The following POLN variants were observed in gnomAD, a reference collection of about 807,000 sequenced individuals.
POLN encodes the protein DNA polymerase N.
A neutral mutation model predicts 113.5 loss-of-function variants in POLN; 108 were observed. The observed-to-expected ratio is 0.95, with a 90% CI of 0.81 to 1.12. POLN has a LOEUF of 1.12. POLN is among the 50% of genes most tolerant of loss of function. The pLI, the probability that POLN is intolerant of heterozygous loss-of-function variation, is 0.00. For missense variants in POLN, 1,097 were observed against 1,077.1 expected (o/e 1.02, Z -0.26); for synonymous variants, 386 against 391.5 (o/e 0.99, Z 0.17).
intron 16 of POLN, among the ~76,000 whole-genome samples, chr4:2,141,356 TCTC>T (rs1207890071): frequency 2.0e-5 from 3 of 152,128 alleles, no homozygotes; most frequent in African/African-American, 4.8e-5. Flanking sequence ...TCTCTGTCCT[TCTC>T]CTTCCACTCA....
intron 19 of POLN, among the ~76,000 whole-genome samples, chr4:2,097,875 A>G (rs1730834431): frequency 6.6e-6 from 1 of 152,158 alleles, no homozygotes; most frequent in African/African-American, 2.4e-5. Flanking sequence ...CAAAGTTTTG[A>G]TGAAGTTGGT....
Position 2,126,390 on chromosome 4 carries a change from T to C in POLN, c.1982+1723A>G, listed in dbSNP as rs1731579715. On this transcript the variant is annotated intron_variant, in intron 19 of 25. Coordinates refer to ENST00000511885, the MANE Select transcript of POLN (RefSeq NM_181808.4). This position sits in a 1 kb window ranked among gnomAD's most constrained non-coding sequence, Gnocchi z 4.6. ...AGATTTTCTGATTCAAACGCAAGTT[T>C]GCGTTCTATACTATTCATTCATTTA... is the stretch of plus-strand genomic sequence containing the variant. Among the ~76,000 whole-genome samples the C allele has an allele frequency of 6.6e-6, 1 of 152,238 alleles. No individual in the cohort carries two copies. The highest frequency in any genetic ancestry group is 2.4e-5 in the African/African-American group (1 of 41,464).
chr4:2,205,874 CAA>C (rs59182481), intron 5 of POLN, among the ~76,000 whole-genome samples: 123 of 81,996 alleles, frequency 1.5e-3, no homozygotes, highest in African/African-American at 1.7e-3. Context: ...GACTCTGTCT[CAA>C]AAAAAAAAAA....
At position 2,100,274 on chromosome 4, in the gene POLN, C is replaced by A. The variant is rs377630514; in HGVS notation, c.1983-4341G>T. ...AACTGGTATTTAAATTTTTTGTAAC[C>A]AATGAAAATTATAAAGAAAAAATTA... On this transcript the variant is annotated intron_variant, in intron 19 of 25. Coordinates refer to ENST00000511885, the MANE Select transcript of POLN (RefSeq NM_181808.4). Among the ~76,000 whole-genome samples the A allele has an allele frequency of 4.6e-5, 7 of 151,712 alleles. No homozygotes were observed. The East Asian group carries it at 5.8e-4, about 13-fold the overall frequency.
intron 6 of POLN, among the ~76,000 whole-genome samples, chr4:2,194,188 T>C (rs1478573759): frequency 6.6e-6 from 1 of 152,192 alleles, no homozygotes; most frequent in African/African-American, 2.4e-5. Flanking sequence ...GACTAACAAA[T>C]GGCAATGCTG....
rs371718217 is a variant in POLN, at chr4:2,127,605, A to G, written c.1982+508T>C. On this transcript the variant is annotated intron_variant, in intron 19 of 25. Transcript: ENST00000511885. The surrounding 1 kb of genome is among the most constrained non-coding windows in gnomAD (Gnocchi z 4.7). ...GCCAACGTCCTGAGAATATGATGAA[A>G]AAGGACGGGCCTGGGACGACACTGC... Among the ~76,000 whole-genome samples the G allele has an allele frequency of 1.4e-4, 22 of 152,290 alleles. No homozygotes were observed. Among genetic ancestry groups the G allele is most frequent in the East Asian group, 5.8e-4 (3 of 5,162 alleles).
rs1734997043 is a variant in POLN, at chr4:2,241,726, AC to A, written c.-220del. On this transcript the variant is annotated 5_prime_UTR_variant, in exon 2 of 26. Coordinates refer to ENST00000511885, the MANE Select transcript of POLN (RefSeq NM_181808.4). ...GGATCCGCGGCCCCAAGGCCGCGAT[AC>A]ACCAGACGCGCCAGCGGCAAAACCT... The A allele has an allele frequency of 1.0e-6, 1 of 985,388 alleles. No homozygotes were observed. Among genetic ancestry groups the A allele is most frequent in the Admixed American group, 6.1e-5 (1 of 16,274 alleles). The allele number at this position is 985,388 out of a possible 1,614,324, so 61.0% of individuals were successfully genotyped here.
intron 24 of POLN, among the ~76,000 whole-genome samples, chr4:2,074,680 C>T (rs960636468): frequency 5.9e-5 from 9 of 152,100 alleles, no homozygotes; most frequent in African/African-American, 1.9e-4. Flanking sequence ...GACCACCACT[C>T]GAGAGTTGGT....
At position 2,132,767 on chromosome 4, in the gene POLN, AC is replaced by A. The variant is rs1166449286; in HGVS notation, c.1732-1478del. 2.6e-5 allele frequency among the ~76,000 whole-genome samples: 4 copies of A among 152,358 alleles called. No homozygotes were observed. The East Asian group carries it at 7.7e-4, about 29-fold the overall frequency. ...CTCCAGGAATGAAGGTGAGTGAAAG[AC>A]ATTCTCAGATGAATAAAAATTAAAG... On this transcript the variant is annotated intron_variant, in intron 16 of 25. Coordinates refer to ENST00000511885, the MANE Select transcript of POLN (RefSeq NM_181808.4).
At chr4:2,200,626 A>G (rs376353532) in intron 5 of POLN, among the ~76,000 whole-genome samples, 21 of 152,284 alleles carry the variant, frequency 1.4e-4, no homozygotes, top group African/African-American at 3.4e-4. Context: ...CAATCATTAC[A>G]GCTCAGCTCT....
intron 7 of POLN, among the ~76,000 whole-genome samples, chr4:2,184,250 T>TAA (rs59002499): frequency 2.3e-4 from 32 of 140,914 alleles, no homozygotes; most frequent in African/African-American, 4.5e-4. Context: ...CACTAGACTT[T>TAA]AAAAAAAAAA....
At chr4:2,241,219 T>C (rs1371494165) in intron 2 of POLN, 3 of 341,678 alleles carry the variant, frequency 8.8e-6, no homozygotes, top group Non-Finnish European at 1.6e-5. Flanking sequence ...AGCTGCAATG[T>C]TTGATGATGA....
intron 7 of POLN, among the ~76,000 whole-genome samples, chr4:2,190,915 T>C (rs899208310): frequency 5.9e-5 from 9 of 152,154 alleles, no homozygotes; most frequent in Non-Finnish European, 1.3e-4. Flanking sequence ...CCTCATACAC[T>C]ATTGGTAGGA....
intron 16 of POLN, among the ~76,000 whole-genome samples, chr4:2,140,279 T>C (rs1006913974): frequency 2.0e-5 from 3 of 152,032 alleles, no homozygotes; most frequent in African/African-American, 7.2e-5. Flanking sequence ...GGGTTTCACC[T>C]TGTTGGTCAG....
At chr4:2,222,204 C>A (rs1184088396) in intron 3 of POLN, among the ~76,000 whole-genome samples, 1 of 151,858 alleles carries the variant, frequency 6.6e-6, no homozygotes, top group Non-Finnish European at 1.5e-5. Context: ...TTTAAATATA[C>A]CAATCCAAAG....
At chr4:2,211,001 A>G (rs1327836456) in intron 4 of POLN, among the ~76,000 whole-genome samples, 1 of 150,774 alleles carries the variant, frequency 6.6e-6, no homozygotes, top group Non-Finnish European at 1.5e-5. Flanking sequence ...CTTTAATCCC[A>G]ACATTTTGGG....
chr4:2,240,029 T>C, intron 2 of POLN: 1 of 1,603,982 alleles, frequency 6.2e-7, no homozygotes, highest in East Asian at 2.2e-5. Flanking sequence ...TCTCATTTCT[T>C]ATGCTTACCT....
At chr4:2,108,015 GC>G (rs56712727) in intron 19 of POLN, among the ~76,000 whole-genome samples, 7,371 of 152,156 alleles carry the variant, frequency 0.048, 638 homozygotes, top group African/African-American at 0.17. Context: ...TGCTCCTTTT[GC>G]CTGGTGAGCA....
chr4:2,117,845 T>C (rs754191388), intron 19 of POLN, among the ~76,000 whole-genome samples: 1 of 152,224 alleles, frequency 6.6e-6, no homozygotes, highest in Non-Finnish European at 1.5e-5. Flanking sequence ...CTTGGTTACA[T>C]GTAAGAGAGC....
Sources: gnomAD v4.1 joint callset for allele counts (sites outside exome capture counted in the v4.1 genomes callset) on GRCh38, gnomAD v4.1.1 for gene constraint, Gnocchi (gnomAD v3.1) non-coding constraint, MANE v1.5 for transcripts, NCBI Gene and HGNC (gene_info 2026-07-23, HGNC 2026-07-21) for gene names.